Variants in FAM117B observed in about 807,000 individuals in gnomAD.
FAM117B encodes protein FAM117B.
A neutral mutation model predicts 52.8 loss-of-function variants in FAM117B; 22 were observed. The observed-to-expected ratio is 0.42, with a 90% CI of 0.30 to 0.59. The LOEUF (loss-of-function observed/expected upper bound fraction) is 0.59, where lower values mean the gene tolerates loss of function less well. FAM117B is among the 20% of genes least tolerant of loss of function. The pLI is 0.22. For missense variants in FAM117B, 678 were observed against 802.6 expected, an observed-to-expected ratio of 0.84 and a Z score of 1.88; for synonymous variants, 309 against 324.1, an observed-to-expected ratio of 0.95 and a Z score of 0.50.
chr2:202,686,508 C>T (rs769642327), intron 1 of FAM117B, among the ~76,000 whole-genome samples: 6 of 152,184 alleles, frequency 3.9e-5, no homozygotes, highest in South Asian at 4.1e-4. Flanking sequence ...AAGCAATCCG[C>T]GCCCATCGGT....
chr2:202,647,803 T>A (rs1689892990), intron 1 of FAM117B, among the ~76,000 whole-genome samples: 1 of 152,200 alleles, frequency 6.6e-6, no homozygotes, highest in African/African-American at 2.4e-5. Flanking sequence ...AGTTTATGTA[T>A]TTTTATTCTG....
rs1689665797 is a variant in FAM117B, at chr2:202,635,468, C to A, written c.281C>A (p.Pro94His). Residue 94 changes from proline to histidine, a missense_variant, in exon 1 of 8, where the codon CCC becomes CAC. Physicochemically the swap from Pro to His is moderately conservative, Grantham distance 77 (BLOSUM62 -2). Transcript: ENST00000392238. Reference protein sequence around the residue: ...GPRTASRSTSPTRGGGNAAAR... With the variant: ...GPRTASRSTSHTRGGGNAAAR... The stretch of plus-strand genomic sequence containing the variant: ...CGCACCGCCTCGCGCAGCACCAGCC[C>A]CACGCGCGGCGGCGGGAACGCGGCC... 1 of 1,076,034 alleles carries A rather than the reference C, an allele frequency of 9.3e-7. No individual in the cohort carries two copies. Among genetic ancestry groups the A allele is most frequent in the Non-Finnish European group, 1.1e-6 (1 of 891,352 alleles). The allele number at this position is 1,076,034 out of a possible 1,614,324, so 66.7% of individuals were successfully genotyped here. A position where few individuals can be genotyped will look rare whatever the true frequency, so the allele number is the denominator to read the frequency against.
intron 1 of FAM117B, among the ~76,000 whole-genome samples, chr2:202,694,824 A>G (rs1690686417): frequency 6.6e-6 from 1 of 152,070 alleles, no homozygotes; most frequent in Non-Finnish European, 1.5e-5. Context: ...TTATTACTCC[A>G]TCCTCTGTGA....
chr2:202,691,147 G>A (rs1690615613), intron 1 of FAM117B, among the ~76,000 whole-genome samples: 1 of 152,102 alleles, frequency 6.6e-6, no homozygotes. Context: ...GGGCATGGTG[G>A]CTCACGTCTG....
chr2:202,754,888 CAAAA>C lies in FAM117B; in HGVS notation c.961-634_961-631del, dbSNP rs149747057. ...CTGGGTGACAGAGTGAGATTCGTCT[CAAAA>C]AAAAAAAAAAAAAAAGAGGCTTAAT... is the stretch of plus-strand genomic sequence containing the variant. On this transcript the variant is annotated intron_variant, in intron 4 of 7. Coordinates refer to ENST00000392238, the MANE Select transcript of FAM117B (RefSeq NM_173511.4). Among the ~76,000 whole-genome samples, 839 of 85,690 alleles carry C rather than the reference CAAAA, an allele frequency of 9.8e-3. 10 individuals carry two copies. Among genetic ancestry groups the C allele is most frequent in the Non-Finnish European group, 0.013 (645 of 47,792 alleles). 56.2% of individuals were successfully genotyped at this position (85,690 alleles called of 152,430 possible). A position where few individuals can be genotyped will look rare whatever the true frequency, so the allele number is the denominator to read the frequency against.
chr2:202,757,214 C>A lies in FAM117B; in HGVS notation c.1106C>A (p.Pro369Gln), dbSNP rs142039792. 1 of 1,613,554 alleles carries A rather than the reference C, an allele frequency of 6.2e-7. No individual in the cohort carries two copies. Among genetic ancestry groups the A allele is most frequent in the Non-Finnish European group, 8.5e-7 (1 of 1,179,708 alleles). The change falls in exon 6 of 8, where the codon CCG (proline) becomes CAG (glutamine). Residue 369 changes from proline to glutamine, a missense_variant and splice_region_variant. Physicochemically the swap from Pro to Gln is moderately conservative, Grantham distance 76 (BLOSUM62 -1). Transcript: ENST00000392238. ...TATGTTTTTACAATTTTGTAACAGC[C>A]GCAAGATATTCCAGATGGCCATCGT... ...ETGEKEEQLI[P>Q]QDIPDGHRAP...
chr2:202,695,608 T>G (rs1421276212), intron 1 of FAM117B, among the ~76,000 whole-genome samples: 3 of 152,226 alleles, frequency 2.0e-5, no homozygotes, highest in African/African-American at 7.2e-5. Context: ...TTGTTCTATT[T>G]TATTATTAGT....
At chr2:202,726,418 A>AT (rs1287650482) in intron 4 of FAM117B, 55 bp downstream of exon 4, 3 of 1,328,594 alleles carry the variant, frequency 2.3e-6, no homozygotes, top group Non-Finnish European at 3.2e-6. Context: ...TTTTCTGGTG[A>AT]TTTGTTATTT....
At position 202,635,711 on chromosome 2, in the gene FAM117B, G is replaced by C; in HGVS notation, c.524G>C (p.Arg175Pro). The change falls in exon 1 of 8, where the codon CGG becomes CCG. Residue 175 changes from arginine (R) to proline (P), a missense_variant. By Grantham distance (103) the Arg-to-Pro change is moderately radical. Around this residue, in one of 3 missense-constraint regions of FAM117B, gnomAD observed 583 missense variants for 644.8 expected, o/e 0.90. Transcript: ENST00000392238. ...VSAAPPPARV[R>P]HRRRSPEQSR... is the part of the protein sequence containing the mutation. Reference sequence around the variant, plus strand: ...GCGGCCCCACCCCCAGCCCGCGTCCGGCATCGGAGGAGGTCTCCGGAGCAG... The same window carrying C: ...GCGGCCCCACCCCCAGCCCGCGTCCCGCATCGGAGGAGGTCTCCGGAGCAG... 1 of 1,433,774 alleles carries C rather than the reference G, an allele frequency of 7.0e-7. No homozygotes were observed. Among genetic ancestry groups the C allele is most frequent in the Non-Finnish European group, 9.1e-7 (1 of 1,094,984 alleles). 88.8% of individuals were successfully genotyped at this position (1,433,774 alleles called of 1,614,324 possible).
intron 5 of FAM117B, among the ~76,000 whole-genome samples, chr2:202,756,785 T>C (rs1691806221): frequency 1.3e-5 from 2 of 152,112 alleles, no homozygotes; most frequent in African/African-American, 2.4e-5. Flanking sequence ...TTTCCCCCAT[T>C]TAGGAAGGTT....
chr2:202,758,646 CAG>C, intron 6 of FAM117B, among the ~76,000 whole-genome samples: 1 of 152,170 alleles, frequency 6.6e-6, no homozygotes, highest in Non-Finnish European at 1.5e-5. Context: ...ACAAGAATAT[CAG>C]AGTAAAGAAA....
intron 2 of FAM117B, among the ~76,000 whole-genome samples, chr2:202,715,189 T>G (rs1387271016): frequency 1.3e-3 from 117 of 92,854 alleles, no homozygotes; most frequent in Non-Finnish European, 1.7e-3. Context: ...CCCGGACGGG[T>G]CGGCTGGCCG....
chr2:202,661,340 A>G (rs1410690226), intron 1 of FAM117B, among the ~76,000 whole-genome samples: 6 of 152,232 alleles, frequency 3.9e-5, no homozygotes, highest in Admixed American at 1.3e-4. Context: ...AAGTCTGAGT[A>G]CAGTATGAGA....
rs554124877 is a variant in FAM117B at position 202,732,029 on chromosome 2, C to T, written c.960+5666C>T. Among the ~76,000 whole-genome samples, 90 of 152,084 alleles carry T rather than the reference C, an allele frequency of 5.9e-4. 1 individual carries two copies. Among genetic ancestry groups the T allele is most frequent in the African/African-American group, 2.0e-3 (85 of 41,486 alleles). On this transcript the variant is annotated intron_variant, in intron 4 of 7. Transcript: ENST00000392238. ...GGATTACAGGCATGAGCCACTGCAC[C>T]CAGCCTATTTATTTTTCTTTTTTTT... is the stretch of plus-strand genomic sequence containing the variant.
At chr2:202,728,206 C>T (rs1691286413) in intron 4 of FAM117B, among the ~76,000 whole-genome samples, 1 of 151,956 alleles carries the variant, frequency 6.6e-6, no homozygotes, top group Non-Finnish European at 1.5e-5. Context: ...CCAAGCTGGT[C>T]ACTAACTCCT....
chr2:202,762,592 GT>G (rs1261969746), intron 7 of FAM117B, among the ~76,000 whole-genome samples: 2 of 152,088 alleles, frequency 1.3e-5, no homozygotes, highest in Non-Finnish European at 2.9e-5. Context: ...AACAGCGTGA[GT>G]TTTTTTCTTT....
At chr2:202,651,868 C>A (rs1689963437) in intron 1 of FAM117B, among the ~76,000 whole-genome samples, 1 of 151,558 alleles carries the variant, frequency 6.6e-6, no homozygotes, top group Admixed American at 6.6e-5. Flanking sequence ...AGCCTGACCA[C>A]CATGGAGAAA....
rs527652261 is a variant in FAM117B, at chr2:202,691,581, A to G, written c.602-4300A>G. On this transcript the variant is annotated intron_variant, in intron 1 of 7. Transcript: ENST00000392238. ...GTAGGCAACTGAAGCAACAATGGTC[A>G]TAGTTAGGGAAGAAAAGTGCCAGAC... Among the ~76,000 whole-genome samples the G allele has an allele frequency of 2.5e-4, 38 of 152,074 alleles. 1 individual carries two copies. The South Asian group carries it at 7.7e-3, about 31-fold the overall frequency.
At chr2:202,651,376 CT>C (rs1201243793) in intron 1 of FAM117B, among the ~76,000 whole-genome samples, 59 of 146,698 alleles carry the variant, frequency 4.0e-4, no homozygotes, top group Middle Eastern at 3.6e-3. Flanking sequence ...TTTACCATTC[CT>C]TTTTTTTTTT....
Sources: gnomAD v4.1 joint callset for allele counts (sites outside exome capture counted in the v4.1 genomes callset) on GRCh38, gnomAD v4.1.1 for gene constraint, gnomAD v4.1.1 regional missense constraint, MANE v1.5 for transcripts, NCBI Gene and HGNC (gene_info 2026-07-23, HGNC 2026-07-21) for gene names.